Variants in LAMA4 observed in about 807,000 individuals in gnomAD.
LAMA4 encodes laminin subunit alpha 4, also known as laminin subunit alpha-4.
Under a neutral mutation model 207.1 loss-of-function variants are expected in LAMA4, and 127 were observed. The observed-to-expected ratio is 0.61, with a 90% CI of 0.53 to 0.71. LAMA4 has a LOEUF of 0.71. Among genes scored for constraint, LAMA4 ranks in the 30% least tolerant of loss-of-function variants. The pLI, the probability that LAMA4 is intolerant of heterozygous loss-of-function variation, is 0.00. For missense variants in LAMA4, 2,093 were observed against 2,246.5 expected, an observed-to-expected ratio of 0.93 and a Z score of 1.38; for synonymous variants, 761 against 816.0, an observed-to-expected ratio of 0.93 and a Z score of 1.15.
chr6:112,202,307 A>C (rs1783796684), intron 4 of LAMA4, among the ~76,000 whole-genome samples: 2 of 152,152 alleles, frequency 1.3e-5, no homozygotes, highest in Non-Finnish European at 2.9e-5. Flanking sequence ...ATTAGGACAC[A>C]GGACAAAAAA....
intron 16 of LAMA4, among the ~76,000 whole-genome samples, chr6:112,152,950 TTAACTC>T (rs2114766175): frequency 1.3e-5 from 2 of 152,206 alleles, no homozygotes; most frequent in African/African-American, 4.8e-5. Flanking sequence ...AAGAATATAT[TTAACTC>T]TATATTTGGA....
Position 112,150,580 on chromosome 6 carries a change from G to A in LAMA4, c.2104C>T (p.Leu702=). The A allele has an allele frequency of 6.2e-7, 1 of 1,613,998 alleles. No homozygotes were observed. Among genetic ancestry groups the A allele is most frequent in the Non-Finnish European group, 8.5e-7 (1 of 1,179,948 alleles). ...GTTTTAAGGGCACTTTTCCTTGCTA[G>A]GGCTCCACCCACACGCCTGCTAGTG... The part of the protein sequence containing the change: ...ADTSRRVGGA[L]ARKSALKTRL... The change falls in exon 17 of 39, where the codon CTA becomes TTA. Residue 702 remains leucine (L), a synonymous_variant. Coordinates refer to ENST00000230538, the MANE Select transcript of LAMA4 (RefSeq NM_001105206.3).
chr6:112,206,025 A>G (rs1286427994), intron 4 of LAMA4, among the ~76,000 whole-genome samples: 1 of 152,214 alleles, frequency 6.6e-6, no homozygotes, highest in Non-Finnish European at 1.5e-5. Context: ...CCACTTCTCC[A>G]TATCCTGCTC....
intron 11 of LAMA4, 34 bp downstream of exon 11, chr6:112,175,279 T>C (rs201384311): frequency 3.6e-5 from 58 of 1,609,724 alleles, no homozygotes; most frequent in Non-Finnish European, 4.8e-5. Flanking sequence ...AGGGCAAACA[T>C]GTGCTGGGTC....
chr6:112,244,734 T>C (rs1295750826), intron 2 of LAMA4, among the ~76,000 whole-genome samples: 1 of 152,050 alleles, frequency 6.6e-6, no homozygotes, highest in African/African-American at 2.4e-5. Flanking sequence ...AATGAGAGAG[T>C]TGAATCTCTA....
chr6:112,119,381 C>T, intron 33 of LAMA4, 70 bp from the exon 34 acceptor site: 1 of 1,516,860 alleles, frequency 6.6e-7, no homozygotes, highest in South Asian at 1.1e-5. Context: ...TGTGTTTCCT[C>T]TTCTTCCAAC....
Position 112,128,904 on chromosome 6 carries a change from A to G in LAMA4, c.4287+18T>C, listed in dbSNP as rs782711860. 2 of 1,610,198 alleles carry G rather than the reference A, an allele frequency of 1.2e-6. No individual in the cohort carries two copies. The highest frequency in any genetic ancestry group is 3.3e-5 in the Admixed American group (2 of 59,958). ...AAAATGATGACAATTAGGAAGTCAGAACGGCATTATCTTTTACCTTTTTAT... is the reference window on the plus strand; with the variant it reads ...AAAATGATGACAATTAGGAAGTCAGGACGGCATTATCTTTTACCTTTTTAT... On this transcript the variant is annotated intron_variant, in intron 31 of 38. Coordinates refer to ENST00000230538, the MANE Select transcript of LAMA4 (RefSeq NM_001105206.3).
At chr6:112,204,298 A>C (rs782040414) in intron 4 of LAMA4, among the ~76,000 whole-genome samples, 2 of 152,202 alleles carry the variant, frequency 1.3e-5, no homozygotes, top group African/African-American at 4.8e-5. Flanking sequence ...ATCTGATTGC[A>C]TGTAGACAAG....
intron 2 of LAMA4, among the ~76,000 whole-genome samples, chr6:112,251,856 C>T (rs1554189925): frequency 6.6e-6 from 1 of 152,158 alleles, no homozygotes; most frequent in Admixed American, 6.5e-5. Context: ...TTCTGTTTTT[C>T]AAAACTGAAG....
intron 3 of LAMA4, among the ~76,000 whole-genome samples, chr6:112,213,312 A>ATC (rs1784450404): frequency 6.6e-6 from 1 of 152,220 alleles, no homozygotes; most frequent in African/African-American, 2.4e-5. Flanking sequence ...AATATGGATT[A>ATC]TCTGTGACCA....
In LAMA4 at chr6:112,188,687, T is replaced by C. The variant is rs559086174; in HGVS notation, c.814+423A>G. 2.6e-5 allele frequency among the ~76,000 whole-genome samples: 4 copies of C among 152,328 alleles called. No homozygotes were observed. The South Asian group carries it at 6.2e-4, about 24-fold the overall frequency. On this transcript the variant is annotated intron_variant, in intron 7 of 38. Coordinates refer to ENST00000230538, the MANE Select transcript of LAMA4 (RefSeq NM_001105206.3). Reference sequence around the variant, plus strand: ...TATTTACTTCTGCTCCCACTTCAGATTTGAGGTAACTTGGGAGAAGCCACT... The same window carrying C: ...TATTTACTTCTGCTCCCACTTCAGACTTGAGGTAACTTGGGAGAAGCCACT...
intron 2 of LAMA4, chr6:112,236,303 G>A (rs1554365992): frequency 1.3e-5 from 2 of 152,188 alleles, no homozygotes; most frequent in Non-Finnish European, 2.9e-5. Flanking sequence ...AAGTTTCCAC[G>A]CTAGGAGACT....
At chr6:112,168,538 G>T (rs1781531401) in intron 12 of LAMA4, among the ~76,000 whole-genome samples, 1 of 151,862 alleles carries the variant, frequency 6.6e-6, no homozygotes, top group South Asian at 2.1e-4. Context: ...TAGAGACAGG[G>T]TTTCACCATG....
Position 112,141,451 on chromosome 6 carries a change from A to C in LAMA4, c.2720T>G (p.Val907Gly). ...CACATCTTTAGTTCCCAAATTATAG[A>C]CGTATACCAGATTATCATTTTTGAT... ...LAIKNDNLVY[V>G]YNLGTKDVEI... Residue 907 changes from valine to glycine, a missense_variant, in exon 21 of 39, where the codon GTC becomes GGC. Physicochemically the swap from Val to Gly is moderately radical, Grantham distance 109. Transcript: ENST00000230538. The C allele has an allele frequency of 1.2e-6, 2 of 1,611,718 alleles. No individual in the cohort carries two copies. Among genetic ancestry groups the C allele is most frequent in the East Asian group, 2.2e-5 (1 of 44,864 alleles).
chr6:112,201,545 G>T, intron 5 of LAMA4, 63 bp downstream of exon 5: 1 of 1,287,792 alleles, frequency 7.8e-7, no homozygotes, highest in Non-Finnish European at 1.1e-6. Context: ...CAGAGCTGTT[G>T]AGTGTGAGAA....
At chr6:112,253,631 A>T in intron 2 of LAMA4, 1 of 1,007,444 alleles carries the variant, frequency 9.9e-7, no homozygotes, top group Non-Finnish European at 1.5e-6. Context: ...CAAAATGACT[A>T]CTGGGACACG....
intron 2 of LAMA4, among the ~76,000 whole-genome samples, chr6:112,235,781 T>C (rs140108866): frequency 6.6e-5 from 10 of 152,316 alleles, no homozygotes; most frequent in African/African-American, 2.2e-4. Flanking sequence ...TGCACTTGAA[T>C]GCTTACTTTC....
chr6:112,155,025 C>T, intron 15 of LAMA4, 78 bp from the exon 16 acceptor site: 1 of 942,194 alleles, frequency 1.1e-6, no homozygotes, highest in Non-Finnish European at 1.7e-6. Flanking sequence ...ATTTAAATGA[C>T]ACAGTTTATC....
intron 17 of LAMA4, 112 bp downstream of exon 17, chr6:112,150,399 C>T (rs539676784): frequency 2.4e-6 from 2 of 818,638 alleles, no homozygotes; most frequent in African/African-American, 1.7e-5. Flanking sequence ...CAGAAAATAA[C>T]ATTTATGTAT....
Sources: gnomAD v4.1 joint callset for allele counts (sites outside exome capture counted in the v4.1 genomes callset) on GRCh38, gnomAD v4.1.1 for gene constraint, MANE v1.5 for transcripts, NCBI Gene and HGNC (gene_info 2026-07-23, HGNC 2026-07-21) for gene names.